Variants in RAPGEF4 observed in about 807,000 individuals in gnomAD.
The protein encoded by RAPGEF4 is RAP guanine-nucleotide-exchange factor (GEF) 4.
A neutral mutation model predicts 147.9 loss-of-function variants in RAPGEF4; 66 were observed. The ratio of observed to expected loss-of-function variants is 0.45; its 90% CI spans 0.37 to 0.55. The LOEUF is 0.55. Ranked by LOEUF, RAPGEF4 falls within the 20% of genes least tolerant of loss-of-function variation. The pLI, the probability that RAPGEF4 is intolerant of heterozygous loss-of-function variation, is 0.00. For missense variants in RAPGEF4, 1,071 were observed against 1,257.3 expected (o/e 0.85, Z 2.24); for synonymous variants, 419 against 442.7 (o/e 0.95, Z 0.67).
At chr2:173,035,275 G>C (rs1003839633) in intron 27 of RAPGEF4, among the ~76,000 whole-genome samples, 4 of 151,870 alleles carry the variant, frequency 2.6e-5, no homozygotes, top group African/African-American at 9.7e-5. Flanking sequence ...TTGGGAGGCC[G>C]AGGCGGGCAG....
At chr2:172,782,406 C>T (rs1684767792) in intron 1 of RAPGEF4, among the ~76,000 whole-genome samples, 1 of 152,162 alleles carries the variant, frequency 6.6e-6, no homozygotes, top group Admixed American at 6.5e-5. Context: ...CATGTTCTTT[C>T]TCTTCGAAGG....
intron 4 of RAPGEF4, among the ~76,000 whole-genome samples, chr2:172,874,279 A>G (rs1455502637): frequency 6.6e-6 from 1 of 152,110 alleles, no homozygotes; most frequent in African/African-American, 2.4e-5. Flanking sequence ...TTTAAGTTCT[A>G]GGATACATGT....
At chr2:172,806,771 A>AT (rs1419071685) in intron 3 of RAPGEF4, among the ~76,000 whole-genome samples, 3 of 152,218 alleles carry the variant, frequency 2.0e-5, no homozygotes. Context: ...TATCTGGCAC[A>AT]TTTTAGCTCA....
chr2:173,014,090 G>A (rs747090619), intron 17 of RAPGEF4, among the ~76,000 whole-genome samples: 8 of 152,182 alleles, frequency 5.3e-5, no homozygotes, highest in Admixed American at 2.6e-4. Flanking sequence ...CCAACAACGG[G>A]TGGAAATGCA....
At chr2:172,822,664 T>A (rs1007029319) in intron 4 of RAPGEF4, among the ~76,000 whole-genome samples, 1 of 152,202 alleles carries the variant, frequency 6.6e-6, no homozygotes, top group African/African-American at 2.4e-5. Flanking sequence ...CTACTTTGGG[T>A]GTTCATTTCG....
rs116833919 is a variant in RAPGEF4, at chr2:173,015,403, C to G, written c.1809+789C>G. On this transcript the variant is annotated intron_variant, in intron 18 of 30. Coordinates refer to ENST00000397081, the MANE Select transcript of RAPGEF4 (RefSeq NM_007023.4). Reference sequence around the variant, plus strand: ...GTTCAGGCAAAAGGCAATGTTACTTCCGTTTCAAACTTTTTCAGTCTGTGT... The same window carrying G: ...GTTCAGGCAAAAGGCAATGTTACTTGCGTTTCAAACTTTTTCAGTCTGTGT... Among the ~76,000 whole-genome samples the G allele has an allele frequency of 5.5e-3, 831 of 152,296 alleles. 10 individuals carry two copies. Among genetic ancestry groups the G allele is most frequent in the African/African-American group, 0.019 (770 of 41,564 alleles).
At chr2:172,954,198 T>G (rs74813388) in intron 6 of RAPGEF4, among the ~76,000 whole-genome samples, 4,312 of 152,286 alleles carry the variant, frequency 0.028, 93 homozygotes, top group Middle Eastern at 0.051. Flanking sequence ...CAAGCTAATC[T>G]GCATTCAGCC....
At chr2:173,007,996 C>G (rs1041149469) in intron 17 of RAPGEF4, among the ~76,000 whole-genome samples, 5 of 152,128 alleles carry the variant, frequency 3.3e-5, no homozygotes, top group Admixed American at 6.5e-5. Context: ...AATCTCATCT[C>G]GAATTGTAAT....
At chr2:172,826,852 G>A (rs948211762) in intron 4 of RAPGEF4, among the ~76,000 whole-genome samples, 4 of 151,910 alleles carry the variant, frequency 2.6e-5, no homozygotes, top group African/African-American at 9.7e-5. Flanking sequence ...TGTGCCTGTA[G>A]CCATGGGAGG....
chr2:173,043,190 G>A (rs1559207163), intron 29 of RAPGEF4, among the ~76,000 whole-genome samples: 1 of 152,222 alleles, frequency 6.6e-6, no homozygotes, highest in Non-Finnish European at 1.5e-5. Context: ...CACATGCTAA[G>A]CAAGGAGTAA....
chr2:173,047,084 GTGT>G (rs1265342335), intron 29 of RAPGEF4, among the ~76,000 whole-genome samples: 1 of 152,190 alleles, frequency 6.6e-6, no homozygotes, highest in Non-Finnish European at 1.5e-5. Flanking sequence ...TTTTCTGCTA[GTGT>G]TGTAATTAAT....
intron 12 of RAPGEF4, among the ~76,000 whole-genome samples, chr2:172,985,765 G>C (rs550707918): frequency 6.6e-6 from 1 of 152,326 alleles, no homozygotes; most frequent in South Asian, 2.1e-4. Context: ...ACTCACCACA[G>C]TGTTTAAAGA....
chr2:172,944,218 A>G (rs993006949), intron 6 of RAPGEF4, among the ~76,000 whole-genome samples: 1 of 152,096 alleles, frequency 6.6e-6, no homozygotes, highest in Non-Finnish European at 1.5e-5. Context: ...GAGGAGCCTC[A>G]CTGTAGAAAA....
At position 172,988,194 on chromosome 2, in the gene RAPGEF4, A is replaced by G; in HGVS notation, c.1151-2A>G. The G allele has an allele frequency of 6.3e-7, 1 of 1,598,404 alleles. No homozygotes were observed. The highest frequency in any genetic ancestry group is 8.5e-7 in the Non-Finnish European group (1 of 1,176,208). ...TAAGTCTTTTCATCTTTTTGTGTCTAGTGTTTAACCAGGGGGAAGAAGGTA... is the reference window on the plus strand; with the variant it reads ...TAAGTCTTTTCATCTTTTTGTGTCTGGTGTTTAACCAGGGGGAAGAAGGTA... On this transcript the variant is annotated splice_acceptor_variant, in intron 12 of 30. Transcript: ENST00000397081. LOFTEE classifies it high-confidence loss of function.
chr2:172,758,936 G>A (rs976585636), intron 1 of RAPGEF4, among the ~76,000 whole-genome samples: 3 of 152,274 alleles, frequency 2.0e-5, no homozygotes, highest in East Asian at 3.9e-4. Flanking sequence ...AAAAAAGTGA[G>A]CATTGAAAGA....
chr2:172,748,913 G>T (rs1206778905), intron 1 of RAPGEF4, among the ~76,000 whole-genome samples: 2 of 152,218 alleles, frequency 1.3e-5, no homozygotes, highest in Non-Finnish European at 2.9e-5. Context: ...GCCACAGGCT[G>T]CATGCAAGTC....
chr2:172,826,980 A>C (rs1187365243), intron 4 of RAPGEF4, among the ~76,000 whole-genome samples: 1 of 152,060 alleles, frequency 6.6e-6, no homozygotes, highest in Non-Finnish European at 1.5e-5. Flanking sequence ...AAAAAAGAAA[A>C]GTATGAAGTT....
At chr2:172,905,795 A>T (rs1699566308) in intron 4 of RAPGEF4, among the ~76,000 whole-genome samples, 1 of 152,250 alleles carries the variant, frequency 6.6e-6, no homozygotes, top group African/African-American at 2.4e-5. Context: ...AAAGGGCCAA[A>T]GGATGTAATT....
chr2:172,827,355 C>T (rs1402738021), intron 4 of RAPGEF4, among the ~76,000 whole-genome samples: 12 of 152,090 alleles, frequency 7.9e-5, no homozygotes. Context: ...ATCCAAGTCC[C>T]TTCTCCAGAC....
Sources: gnomAD v4.1 joint callset for allele counts (sites outside exome capture counted in the v4.1 genomes callset) on GRCh38, gnomAD v4.1.1 for gene constraint, MANE v1.5 for transcripts, NCBI Gene and HGNC (gene_info 2026-07-23, HGNC 2026-07-21) for gene names.